The following PIAS2 variants were observed in gnomAD, a reference collection of about 807,000 sequenced individuals.
PIAS2 encodes the protein E3 SUMO-protein ligase PIAS2.
In PIAS2, 19 loss-of-function variants were observed where a neutral mutation model predicts 69.7. That is an observed-to-expected ratio of 0.27 (90% CI 0.19 to 0.40). The LOEUF (loss-of-function observed/expected upper bound fraction) is 0.40. Ranked by LOEUF, PIAS2 falls within the 10% of genes least tolerant of loss-of-function variation. The pLI, the probability that PIAS2 is intolerant of heterozygous loss-of-function variation, is 1.00. For missense variants in PIAS2, 624 were observed against 757.0 expected (o/e 0.82, Z 2.06); for synonymous variants, 261 against 263.2 (o/e 0.99, Z 0.08).
chr18:46,917,677 G>A (rs1416430199), upstream of PIAS2: 1 of 536,002 alleles, frequency 1.9e-6, no homozygotes, highest in Non-Finnish European at 2.4e-6. Context: ...TCGGCCCCAG[G>A]TCGTGCCTTC....
intron 1 of PIAS2, chr18:46,906,348 A>G (rs993694111): frequency 6.8e-6 from 1 of 147,204 alleles, no homozygotes; most frequent in Non-Finnish European, 1.5e-5. Flanking sequence ...AAAAAGAAAG[A>G]AAAAAAAAAA....
chr18:46,857,692 A>T (rs1197493823), intron 3 of PIAS2, among the ~76,000 whole-genome samples: 1 of 152,238 alleles, frequency 6.6e-6, no homozygotes. Flanking sequence ...CTAAGGAGTT[A>T]CACTTTATTC....
At chr18:46,860,158 T>C (rs1309651475) in intron 3 of PIAS2, among the ~76,000 whole-genome samples, 3 of 152,202 alleles carry the variant, frequency 2.0e-5, no homozygotes, top group African/African-American at 7.2e-5. Context: ...ACCAGAAACC[T>C]GGGAAACTTT....
intron 1 of PIAS2, among the ~76,000 whole-genome samples, chr18:46,896,259 GA>G (rs200089770): frequency 0.054 from 6,752 of 124,506 alleles, 173 homozygotes; most frequent in Non-Finnish European, 0.075. Context: ...TCTTATAAAT[GA>G]AAAAAAAAAA....
intron 11 of PIAS2, among the ~76,000 whole-genome samples, chr18:46,821,547 T>C (rs2042182308): frequency 6.6e-6 from 1 of 152,156 alleles, no homozygotes; most frequent in Non-Finnish European, 1.5e-5. Flanking sequence ...ATTGTATTAA[T>C]TATTTGCAAT....
intron 12 of PIAS2, among the ~76,000 whole-genome samples, chr18:46,818,974 C>A (rs946303017): frequency 6.6e-6 from 1 of 152,056 alleles, no homozygotes; most frequent in Non-Finnish European, 1.5e-5. Flanking sequence ...TAAAGTCTCA[C>A]TTTATGCCCA....
intron 12 of PIAS2, chr18:46,816,658 G>C (rs183020354): frequency 5.7e-4 from 150 of 262,574 alleles, no homozygotes; most frequent in African/African-American, 3.5e-3. Context: ...TGTAGAGAGA[G>C]GGTCTCGCTA....
chr18:46,903,847 A>C (rs188372805), intron 1 of PIAS2, among the ~76,000 whole-genome samples: 4 of 152,342 alleles, frequency 2.6e-5, no homozygotes, highest in Admixed American at 2.6e-4. Context: ...GGTTAAACAA[A>C]CTATAGTGAA....
At chr18:46,901,662 CA>C (rs1279509195) in intron 1 of PIAS2, among the ~76,000 whole-genome samples, 118 of 152,186 alleles carry the variant, frequency 7.8e-4, no homozygotes, top group Non-Finnish European at 1.0e-4. Flanking sequence ...TTAACAGTTA[CA>C]AAAAACCAAA....
chr18:46,919,486 CA>C (rs571707086), upstream of PIAS2, among the ~76,000 whole-genome samples: 226 of 134,282 alleles, frequency 1.7e-3, no homozygotes, highest in Middle Eastern at 4.2e-3. Context: ...AACTCCATCT[CA>C]AAAAAAAAAA....
chr18:46,859,414 C>T (rs992409486), intron 3 of PIAS2, among the ~76,000 whole-genome samples: 20 of 117,936 alleles, frequency 1.7e-4, no homozygotes, highest in Admixed American at 5.7e-4. Flanking sequence ...GGTGACAGAG[C>T]GAGACTCCGT....
intron 1 of PIAS2, chr18:46,903,418 T>C (rs974636688): frequency 6.6e-6 from 1 of 150,882 alleles, no homozygotes; most frequent in Non-Finnish European, 1.5e-5. Context: ...AGACATGTCA[T>C]GGATTGGGAT....
chr18:46,857,762 T>C (rs2048051362), intron 3 of PIAS2, among the ~76,000 whole-genome samples: 1 of 152,168 alleles, frequency 6.6e-6, no homozygotes, highest in Admixed American at 6.5e-5. Flanking sequence ...TCACAAACAT[T>C]ATGAGTAATG....
intron 11 of PIAS2, 45 bp downstream of exon 11, chr18:46,827,914 T>C: frequency 6.6e-7 from 1 of 1,507,708 alleles, no homozygotes; most frequent in Non-Finnish European, 9.1e-7. Context: ...CAAGAGCAAT[T>C]AGTTGCAAGG....
At position 46,917,493 on chromosome 18, in the gene PIAS2, C is replaced by G; in HGVS notation, c.-148G>C. ...GACGCCGCGGCCGCCGCCGCTACAG[C>G]CGGGCCCGTCACGTGAACGGCGCGG... is the stretch of plus-strand genomic sequence containing the variant. On this transcript the variant is annotated 5_prime_UTR_variant, in exon 1 of 14. Coordinates refer to ENST00000585916, the MANE Select transcript of PIAS2 (RefSeq NM_004671.5). 8.4e-7 allele frequency: 1 copy of G among 1,196,978 alleles called. No homozygotes were observed. The highest frequency in any genetic ancestry group is 1.0e-6 in the Non-Finnish European group (1 of 961,958). 74.1% of individuals were successfully genotyped at this position (1,196,978 alleles called of 1,614,324 possible).
At chr18:46,817,831 G>A (rs1395839625) in intron 12 of PIAS2, 1 of 956,610 alleles carries the variant, frequency 1.0e-6, no homozygotes, top group Admixed American at 6.2e-5. Context: ...AACCATCAAA[G>A]TCTTCTTGCA....
intron 2 of PIAS2, among the ~76,000 whole-genome samples, chr18:46,868,396 C>T (rs781127528): frequency 1.3e-5 from 2 of 152,204 alleles, no homozygotes; most frequent in African/African-American, 2.4e-5. Context: ...TAAGCTCCCC[C>T]TCTTGCTGAG....
chr18:46,870,485 G>A (rs192925517), intron 2 of PIAS2, among the ~76,000 whole-genome samples: 8,731 of 151,760 alleles, frequency 0.058, 297 homozygotes, highest in Non-Finnish European at 0.081. Flanking sequence ...ACGTGGTGAC[G>A]GGCGCCTGTA....
chr18:46,885,295 G>A (rs1391705529), intron 2 of PIAS2, among the ~76,000 whole-genome samples: 2 of 152,074 alleles, frequency 1.3e-5, no homozygotes, highest in African/African-American at 4.8e-5. Context: ...GAAGTGGGCA[G>A]ACCACGAGGT....
Sources: gnomAD v4.1 joint callset for allele counts (sites outside exome capture counted in the v4.1 genomes callset) on GRCh38, gnomAD v4.1.1 for gene constraint, MANE v1.5 for transcripts, NCBI Gene and HGNC (gene_info 2026-07-23, HGNC 2026-07-21) for gene names.